Variants in DRC1 observed in about 807,000 individuals in gnomAD.
The protein encoded by DRC1 is dynein regulatory complex protein 1.
DRC1 carries 74 observed loss-of-function variants against 98.7 expected under a neutral mutation model. The ratio of observed to expected loss-of-function variants is 0.75; its 90% CI spans 0.62 to 0.91. The LOEUF (loss-of-function observed/expected upper bound fraction) is 0.91. Ranked by LOEUF, DRC1 falls within the 40% of genes least tolerant of loss-of-function variation. The pLI, the probability that DRC1 is intolerant of heterozygous loss-of-function variation, is 0.00. For missense variants in DRC1, 875 were observed against 886.0 expected, an observed-to-expected ratio of 0.99 and a Z score of 0.16; for synonymous variants, 336 against 334.1, an observed-to-expected ratio of 1.01 and a Z score of -0.06.
chr2:26,443,572 C>T (rs957111780), intron 8 of DRC1, among the ~76,000 whole-genome samples: 2 of 152,188 alleles, frequency 1.3e-5, no homozygotes, highest in Admixed American at 6.5e-5. Context: ...CTGTAATTAA[C>T]GTTTGTCTTT....
At position 26,453,439 on chromosome 2, in the gene DRC1, G is replaced by T. The variant is rs772207841; in HGVS notation, c.1809G>T (p.Val603=). The change falls in exon 14 of 17, where the codon GTG becomes GTT. Residue 603 remains valine, a synonymous_variant. Coordinates refer to ENST00000288710, the MANE Select transcript of DRC1 (RefSeq NM_145038.5). Reference sequence around the variant, plus strand: ...AGGGAGAAAAGGAAGAAAGCCTGGTGGAAGGGGAGAAGGAGGAAGAGGAGG... The same window carrying T: ...AGGGAGAAAAGGAAGAAAGCCTGGTTGAAGGGGAGAAGGAGGAAGAGGAGG... ...EMEGEKEESL[V]EGEKEEEEET... is the part of the protein sequence containing the mutation. The T allele has an allele frequency of 1.2e-6, 2 of 1,614,134 alleles. No homozygotes were observed. The highest frequency in any genetic ancestry group is 1.7e-6 in the Non-Finnish European group (2 of 1,180,024).
At chr2:26,406,826 T>TC (rs1469519693) in intron 1 of DRC1, among the ~76,000 whole-genome samples, 4 of 145,768 alleles carry the variant, frequency 2.7e-5, no homozygotes, top group African/African-American at 1.0e-4. Context: ...TTTTTTTTTT[T>TC]TTTTTTTTTG....
intron 13 of DRC1, 115 bp downstream of exon 13, chr2:26,450,796 G>A: frequency 1.3e-6 from 1 of 798,382 alleles, no homozygotes; most frequent in Admixed American, 3.6e-5. Context: ...TTGTTACATA[G>A]GTATACATGT....
chr2:26,442,845 C>A (rs1663752871), intron 8 of DRC1, among the ~76,000 whole-genome samples: 1 of 152,200 alleles, frequency 6.6e-6, no homozygotes, highest in African/African-American at 2.4e-5. Context: ...CTTCCTCTTG[C>A]AGCCATTCTT....
At chr2:26,440,111 T>G (rs1663678275) in intron 7 of DRC1, among the ~76,000 whole-genome samples, 1 of 151,046 alleles carries the variant, frequency 6.6e-6, no homozygotes, top group Non-Finnish European at 1.5e-5. Flanking sequence ...CTACCAATAC[T>G]TTTACCTCTT....
At position 26,450,701 on chromosome 2, in the gene DRC1, G is replaced by A. The variant is rs1663981941; in HGVS notation, c.1689+20G>A. 3 of 1,519,640 alleles carry A rather than the reference G, an allele frequency of 2.0e-6. No homozygotes were observed. The highest frequency in any genetic ancestry group is 1.6e-5 in the African/African-American group (1 of 63,430). 94.1% of individuals were successfully genotyped at this position (1,519,640 alleles called of 1,614,324 possible). A position where few individuals can be genotyped will look rare whatever the true frequency, so the allele number is the denominator to read the frequency against. ...CTCCAGGTAAGGCAAGGTGCAGAGAGAAGAAAGCATTTTCTTTCTTTCTTA... is the reference window on the plus strand; with the variant it reads ...CTCCAGGTAAGGCAAGGTGCAGAGAAAAGAAAGCATTTTCTTTCTTTCTTA... On this transcript the variant is annotated intron_variant, in intron 13 of 16. Transcript: ENST00000288710.
chr2:26,449,583 C>A (rs1251272832), intron 11 of DRC1, among the ~76,000 whole-genome samples: 1 of 152,258 alleles, frequency 6.6e-6, no homozygotes, highest in Non-Finnish European at 1.5e-5. Flanking sequence ...GTGCCCACTG[C>A]TTTCCATGCC....
intron 1 of DRC1, 78 bp from the exon 2 acceptor site, chr2:26,414,266 T>C (rs569963256): frequency 6.8e-7 from 1 of 1,466,062 alleles, no homozygotes; most frequent in South Asian, 1.2e-5. Context: ...CATGAGCTAC[T>C]GTGCCAGGCC....
intron 1 of DRC1, among the ~76,000 whole-genome samples, chr2:26,413,475 G>A (rs1383374962): frequency 6.6e-6 from 1 of 152,172 alleles, no homozygotes; most frequent in Non-Finnish European, 1.5e-5. Context: ...ATGGAATGTG[G>A]AAAGCTGGGC....
chr2:26,424,499 G>A (rs750449628), intron 4 of DRC1, 45 bp downstream of exon 4: 1 of 1,560,108 alleles, frequency 6.4e-7, no homozygotes, highest in South Asian at 1.2e-5. Flanking sequence ...GGATCTGCCT[G>A]GGATTTAGCT....
At chr2:26,403,795 CAAAAAAA>C (rs397870483) in intron 1 of DRC1, among the ~76,000 whole-genome samples, 5 of 77,280 alleles carry the variant, frequency 6.5e-5, no homozygotes, top group African/African-American at 2.3e-4. Context: ...AACTCCATCT[CAAAAAAA>C]AAAAAAAAAA....
In DRC1 at chr2:26,456,470, G is replaced by C. The variant is rs369464715; in HGVS notation, c.2176G>C (p.Glu726Gln). ...QQYLNSKINS[E>Q]LQVPPTQVLR... ...ACCCTTTCTTTTCCAGATCAACTCT[G>C]AACTGCAAGTTCCTCCCACTCAGGT... is the stretch of plus-strand genomic sequence containing the variant. The change falls in exon 17 of 17, where the codon GAA becomes CAA. Residue 726 changes from glutamate (E) to glutamine (Q), a missense_variant. By Grantham distance (29) the Glu-to-Gln change is conservative. Transcript: ENST00000288710. 3.7e-6 allele frequency: 6 copies of C among 1,614,018 alleles called. No individual in the cohort carries two copies. The African/African-American group carries it at 8.0e-5, about 22-fold the overall frequency.
rs187722777 is a variant in DRC1 at position 26,406,978 on chromosome 2, C to T, written c.155+4834C>T. ...GGACCACAGGTGCACACCACCATAC[C>T]CCGCTAATTTTTTGTATTTTTGGTA... On this transcript the variant is annotated intron_variant, in intron 1 of 16. Coordinates refer to ENST00000288710, the MANE Select transcript of DRC1 (RefSeq NM_145038.5). 1.4e-3 allele frequency among the ~76,000 whole-genome samples: 217 copies of T among 151,914 alleles called. 1 individual carries two copies. Among genetic ancestry groups the T allele is most frequent in the South Asian group, 4.2e-3 (20 of 4,798 alleles).
intron 1 of DRC1, among the ~76,000 whole-genome samples, chr2:26,402,526 C>T (rs1678280988): frequency 6.6e-6 from 1 of 152,212 alleles, no homozygotes; most frequent in African/African-American, 2.4e-5. Context: ...TACACTGTGG[C>T]CTGGGTCCTT....
chr2:26,448,900 C>A, intron 11 of DRC1, 97 bp downstream of exon 11: 2 of 1,244,634 alleles, frequency 1.6e-6, no homozygotes, highest in Non-Finnish European at 2.3e-6. Context: ...CAGGAGTGGG[C>A]CAGTCCTCCC....
intron 9 of DRC1, 58 bp downstream of exon 9, chr2:26,444,414 AGT>A (rs1303208807): frequency 7.6e-6 from 12 of 1,577,314 alleles, no homozygotes; most frequent in Non-Finnish European, 9.4e-6. Flanking sequence ...ACGGGGATGG[AGT>A]TTGTACAAGC....
intron 7 of DRC1, among the ~76,000 whole-genome samples, chr2:26,438,933 C>T (rs1454334898): frequency 1.3e-5 from 2 of 152,156 alleles, no homozygotes; most frequent in African/African-American, 4.8e-5. Context: ...CAGCCTCCAG[C>T]CTTGCCTCTC....
chr2:26,406,468 G>A (rs549277184), intron 1 of DRC1, among the ~76,000 whole-genome samples: 55 of 152,258 alleles, frequency 3.6e-4, no homozygotes, highest in Middle Eastern at 3.4e-3. Context: ...TAGCAGTTTG[G>A]GAGGCTGAGG....
At chr2:26,432,795 T>C (rs1384916957) in intron 7 of DRC1, among the ~76,000 whole-genome samples, 1 of 152,174 alleles carries the variant, frequency 6.6e-6, no homozygotes. Context: ...ACTTAATGAA[T>C]GGTATCTCTA....
Sources: gnomAD v4.1 joint callset for allele counts (sites outside exome capture counted in the v4.1 genomes callset) on GRCh38, gnomAD v4.1.1 for gene constraint, MANE v1.5 for transcripts, NCBI Gene and HGNC (gene_info 2026-07-23, HGNC 2026-07-21) for gene names.